Variants in USP5 observed in about 807,000 individuals in gnomAD.
USP5 encodes ubiquitin carboxyl-terminal hydrolase 5.
A neutral mutation model predicts 102.5 loss-of-function variants in USP5; 24 were observed. That is an observed-to-expected ratio of 0.23 (90% CI 0.17 to 0.33). The LOEUF (loss-of-function observed/expected upper bound fraction) is 0.33, where lower values mean the gene tolerates loss of function less well. Ranked by LOEUF, USP5 falls within the 10% of genes least tolerant of loss-of-function variation. The pLI, the probability that USP5 is intolerant of heterozygous loss-of-function variation, is 1.00. For synonymous variants in USP5, 460 were observed against 434.8 expected (o/e 1.06, Z -0.72); for missense variants, 753 against 1,122.1 (o/e 0.67, Z 4.70).
At position 6,856,364 on chromosome 12, in the gene USP5, G is replaced by T. The variant is rs1944112739; in HGVS notation, c.498G>T (p.Val166=). 1 of 1,614,014 alleles carries T rather than the reference G, an allele frequency of 6.2e-7. No individual in the cohort carries two copies. The highest frequency in any genetic ancestry group is 8.5e-7 in the Non-Finnish European group (1 of 1,179,996). Residue 166 remains valine, a synonymous_variant, in exon 5 of 20, where the codon GTG becomes GTT. Transcript: ENST00000229268. The surrounding 1 kb of genome is among the most constrained non-coding windows in gnomAD (Gnocchi z 5.6). The part of the protein sequence containing the change: ...SADSASRKQE[V]QAWDGEVRQV... Reference sequence around the variant, plus strand: ...ACTCAGCCTCCCGCAAGCAGGAGGTGCAGGCATGGGATGGGGAAGTACGGC... The same window carrying T: ...ACTCAGCCTCCCGCAAGCAGGAGGTTCAGGCATGGGATGGGGAAGTACGGC...
chr12:6,863,051 C>T lies in USP5; in HGVS notation c.1763-135C>T. On this transcript the variant is annotated intron_variant, in intron 14 of 19. Transcript: ENST00000229268. The surrounding 1 kb of genome is among the most constrained non-coding windows in gnomAD (Gnocchi z 4.7). The stretch of plus-strand genomic sequence containing the variant: ...AGTATTATTTGTCTTATACTGGGAC[C>T]CCTAAGATGGGTGCCGTGCTTTTAG... 1 of 809,546 alleles carries T rather than the reference C, an allele frequency of 1.2e-6. No individual in the cohort carries two copies. Among genetic ancestry groups the T allele is most frequent in the Non-Finnish European group, 1.9e-6 (1 of 533,036 alleles). 50.1% of individuals were successfully genotyped at this position (809,546 alleles called of 1,614,324 possible).
chr12:6,860,001 T>A lies in USP5; in HGVS notation c.1131-150T>A, dbSNP rs1944230929. On this transcript the variant is annotated intron_variant, in intron 9 of 19. Coordinates refer to ENST00000229268, the MANE Select transcript of USP5 (RefSeq NM_001098536.2). This position sits in a 1 kb window ranked among gnomAD's most constrained non-coding sequence, Gnocchi z 5.5. ...TTCGGGTGACTGTCTTCTGGACGTG[T>A]TGTCTGTCTTGAGCTGGGTTCCTGT... 2.1e-5 allele frequency: 17 copies of A among 829,122 alleles called. No individual in the cohort carries two copies. In the East Asian group the frequency reaches 4.3e-4, roughly 21 times the overall value. 51.4% of individuals were successfully genotyped at this position (829,122 alleles called of 1,614,324 possible).
chr12:6,854,158 C>T (rs1055705100), intron 1 of USP5, among the ~76,000 whole-genome samples: 8 of 152,212 alleles, frequency 5.3e-5, no homozygotes, highest in Admixed American at 3.9e-4. Context: ...CCTGTTTTCA[C>T]GGGTTATGTG....
Position 6,860,222 on chromosome 12 carries a change from G to A in USP5, c.1202G>A (p.Arg401Gln). Residue 401 changes from arginine to glutamine, a missense_variant, in exon 10 of 20, where the codon CGG becomes CAG. Coordinates refer to ENST00000229268, the MANE Select transcript of USP5 (RefSeq NM_001098536.2). The surrounding 1 kb of genome is among the most constrained non-coding windows in gnomAD (Gnocchi z 5.5). ...GTACCGGAGTCGGGCGATGGGGAGCGGGTGCCAGAACAGAAGGTGCGTCTA... is the reference window on the plus strand; with the variant it reads ...GTACCGGAGTCGGGCGATGGGGAGCAGGTGCCAGAACAGAAGGTGCGTCTA... ...KPVPESGDGE[R>Q]VPEQKEVQDG... The A allele has an allele frequency of 1.4e-5, 22 of 1,608,390 alleles. No individual in the cohort carries two copies. The highest frequency in any genetic ancestry group is 2.2e-5 in the East Asian group (1 of 44,866).
In USP5 at chr12:6,861,007, G is replaced by T. The variant is rs1555129421; in HGVS notation, c.1399G>T (p.Glu467Ter). ...TGAAGTGTTCCGCTTCTTGGTGGAG[G>T]AAAAGATCAAGTGCCTGGCCACAGA... is the stretch of plus-strand genomic sequence containing the variant. ...PNEVFRFLVE[E>*]KIKCLATEKV... The change falls in exon 12 of 20, where the codon GAA becomes TAA. Residue 467 changes from glutamate (E) to a stop codon, truncating the protein, a stop_gained. Coordinates refer to ENST00000229268, the MANE Select transcript of USP5 (RefSeq NM_001098536.2). LOFTEE classifies it high-confidence loss of function. This position sits in a 1 kb window ranked among gnomAD's most constrained non-coding sequence, Gnocchi z 4.9. 1 of 1,614,230 alleles carries T rather than the reference G, an allele frequency of 6.2e-7. No homozygotes were observed. Among genetic ancestry groups the T allele is most frequent in the Non-Finnish European group, 8.5e-7 (1 of 1,180,034 alleles).
At position 6,855,586 on chromosome 12, in the gene USP5, T is replaced by G; in HGVS notation, c.237+60T>G. On this transcript the variant is annotated intron_variant, in intron 2 of 19. Coordinates refer to ENST00000229268, the MANE Select transcript of USP5 (RefSeq NM_001098536.2). The surrounding 1 kb of genome is among the most constrained non-coding windows in gnomAD (Gnocchi z 4.6). Reference sequence around the variant, plus strand: ...TGTCTGTTCCATTCTGACCTCCTATTGGACTCAGTTTCTTTTTTTCACCTA... The same window carrying G: ...TGTCTGTTCCATTCTGACCTCCTATGGGACTCAGTTTCTTTTTTTCACCTA... The G allele has an allele frequency of 1.3e-6, 2 of 1,596,444 alleles. No individual in the cohort carries two copies. The highest frequency in any genetic ancestry group is 1.8e-5 in the Admixed American group (1 of 56,686).
At position 6,860,312 on chromosome 12, in the gene USP5, G is replaced by A; in HGVS notation, c.1219-54G>A. ...TGAGGTCTGGGAGATGTCTAAAGAA[G>A]GCCCCTGGATGGCCACTGAGCCCCA... On this transcript the variant is annotated intron_variant, in intron 10 of 19. Coordinates refer to ENST00000229268, the MANE Select transcript of USP5 (RefSeq NM_001098536.2). This position sits in a 1 kb window ranked among gnomAD's most constrained non-coding sequence, Gnocchi z 5.5. 6.2e-7 allele frequency: 1 copy of A among 1,613,248 alleles called. No homozygotes were observed. The highest frequency in any genetic ancestry group is 8.5e-7 in the Non-Finnish European group (1 of 1,179,376).
In USP5 at chr12:6,863,419, TG is replaced by T. The variant is rs1944333852; in HGVS notation, c.1954+47del. ...CCTGCCTGTCTCTCTCCCGTGCTGATGGGGGCCTCTCTGCCTTGCATCCCCT... is the reference window on the plus strand; with the variant it reads ...CCTGCCTGTCTCTCTCCCGTGCTGATGGGGCCTCTCTGCCTTGCATCCCCT... On this transcript the variant is annotated intron_variant, in intron 15 of 19. Coordinates refer to ENST00000229268, the MANE Select transcript of USP5 (RefSeq NM_001098536.2). This position sits in a 1 kb window ranked among gnomAD's most constrained non-coding sequence, Gnocchi z 4.7. 2.5e-6 allele frequency: 4 copies of T among 1,586,728 alleles called. No individual in the cohort carries two copies. In the East Asian group the frequency reaches 6.7e-5, roughly 27 times the overall value.
In USP5 at chr12:6,859,552, A is replaced by C. The variant is rs781839069; in HGVS notation, c.1130+11A>C. 1 of 1,614,014 alleles carries C rather than the reference A, an allele frequency of 6.2e-7. No individual in the cohort carries two copies. On this transcript the variant is annotated intron_variant, in intron 9 of 19. Coordinates refer to ENST00000229268, the MANE Select transcript of USP5 (RefSeq NM_001098536.2). ...TTTCAGCACCCAGGTGTATGTAACC[A>C]GGTCCTATGTAGGAAAGCTGTTGAC...
chr12:6,863,077 C>A lies in USP5; in HGVS notation c.1763-109C>A. 8.9e-7 allele frequency: 1 copy of A among 1,124,190 alleles called. No individual in the cohort carries two copies. The highest frequency in any genetic ancestry group is 1.2e-6 in the Non-Finnish European group (1 of 813,288). The allele number at this position is 1,124,190 out of a possible 1,614,324, so 69.6% of individuals were successfully genotyped here. On this transcript the variant is annotated intron_variant, in intron 14 of 19. Transcript: ENST00000229268. The surrounding 1 kb of genome is among the most constrained non-coding windows in gnomAD (Gnocchi z 4.7). ...CCTAAGATGGGTGCCGTGCTTTTAG[C>A]AGCTCCTCTTTACAGAGCAGTTCTG...
At chr12:6,865,662 C>T (rs1220856246) in intron 19 of USP5, among the ~76,000 whole-genome samples, 5 of 152,180 alleles carry the variant, frequency 3.3e-5, no homozygotes, top group South Asian at 2.1e-4. Flanking sequence ...AAAGTTGAGT[C>T]GTTGTGTCAG....
At position 6,852,241 on chromosome 12, in the gene USP5, C is replaced by T. The variant is rs192268986; in HGVS notation, c.62C>T (p.Ala21Val). The T allele has an allele frequency of 7.4e-5, 119 of 1,613,282 alleles. No homozygotes were observed. Among genetic ancestry groups the T allele is most frequent in the Admixed American group, 2.2e-4 (13 of 59,916 alleles). ...SVLPTIRVPK[A>V]GDRVHKDECA... is the part of the protein sequence containing the mutation. ...TTACCGACGATCCGGGTCCCTAAGG[C>T]TGGAGACCGGGTCCACAAAGACGAG... The change falls in exon 1 of 20, where the codon GCT (alanine) becomes GTT (valine). Residue 21 changes from alanine to valine, a missense_variant. By Grantham distance (64) the Ala-to-Val change is moderately conservative (BLOSUM62 0). Coordinates refer to ENST00000229268, the MANE Select transcript of USP5 (RefSeq NM_001098536.2).
Position 6,855,355 on chromosome 12 carries a change from G to C in USP5, c.112-46G>C, listed in dbSNP as rs782498469. The C allele has an allele frequency of 3.8e-5, 61 of 1,607,310 alleles. 1 individual carries two copies. The highest frequency in any genetic ancestry group is 4.8e-5 in the Non-Finnish European group (56 of 1,176,790). ...GGTTTTGGTTTCCTCACCTGACCAG[G>C]CTTCATAACATCCTCGTGTTTTCAC... On this transcript the variant is annotated intron_variant, in intron 1 of 19. Transcript: ENST00000229268. This position sits in a 1 kb window ranked among gnomAD's most constrained non-coding sequence, Gnocchi z 4.6.
At chr12:6,859,726 C>T (rs781925982) in intron 9 of USP5, among the ~76,000 whole-genome samples, 185 bp downstream of exon 9, 1 of 152,278 alleles carries the variant, frequency 6.6e-6, no homozygotes, top group South Asian at 2.1e-4. Context: ...GATCTCGGCT[C>T]ACTACAACCT....
chr12:6,863,300 A>C lies in USP5; in HGVS notation c.1877A>C (p.Glu626Ala). ...DIAPPLVTPD[E>A]PKGSLGFYGN... ...GCCCCACCCCTGGTCACTCCGGATG[A>C]GCCCAAAGGTAGCCTTGGTTTCTAT... is the stretch of plus-strand genomic sequence containing the variant. Residue 626 changes from glutamate (E) to alanine (A), a missense_variant, in exon 15 of 20, where the codon GAG becomes GCG. By Grantham distance (107) the Glu-to-Ala change is moderately radical. Around this residue, in one of 3 missense-constraint regions of USP5, gnomAD observed 527 missense variants for 816.5 expected, o/e 0.65. Transcript: ENST00000229268. The surrounding 1 kb of genome is among the most constrained non-coding windows in gnomAD (Gnocchi z 4.7). 6.2e-7 allele frequency: 1 copy of C among 1,614,208 alleles called. No homozygotes were observed.
At position 6,856,019 on chromosome 12, in the gene USP5, G is replaced by T; in HGVS notation, c.307G>T (p.Val103Phe). The T allele has an allele frequency of 6.2e-7, 1 of 1,614,188 alleles. No individual in the cohort carries two copies. Among genetic ancestry groups the T allele is most frequent in the Non-Finnish European group, 8.5e-7 (1 of 1,180,034 alleles). ...RKKPTRLAIG[V>F]EGGFDLSEEK... ...CCTCTTCTTCCCTATCCTTCCAGGT[G>T]TTGAAGGCGGATTTGACCTTAGCGA... The change falls in exon 4 of 20, where the codon GTT (valine) becomes TTT (phenylalanine). Residue 103 changes from valine to phenylalanine, a missense_variant and splice_region_variant. Around this residue, in one of 3 missense-constraint regions of USP5, gnomAD observed 527 missense variants for 816.5 expected, o/e 0.65. Coordinates refer to ENST00000229268, the MANE Select transcript of USP5 (RefSeq NM_001098536.2). This position sits in a 1 kb window ranked among gnomAD's most constrained non-coding sequence, Gnocchi z 5.6.
chr12:6,859,614 T>C (rs1365755270), intron 9 of USP5, 73 bp downstream of exon 9: 1 of 1,425,584 alleles, frequency 7.0e-7, no homozygotes, highest in South Asian at 1.1e-5. Flanking sequence ...CCTGACCGCC[T>C]GGGGGGCACA....
At chr12:6,862,626 A>G in intron 14 of USP5, 68 bp downstream of exon 14, 2 of 1,409,604 alleles carry the variant, frequency 1.4e-6, no homozygotes, top group Non-Finnish European at 2.0e-6. Context: ...TAACACATAT[A>G]AACTAGTGTT....
Position 6,864,969 on chromosome 12 carries a change from G to T in USP5, c.2398+94G>T. On this transcript the variant is annotated intron_variant, in intron 18 of 19. Transcript: ENST00000229268. The surrounding 1 kb of genome is among the most constrained non-coding windows in gnomAD (Gnocchi z 4.8). ...TCAGGCAGCTCTGCCCTCCTCAGGA[G>T]TCAGGGGCTTCTTTCCACCTCAACG... 2.0e-6 allele frequency: 3 copies of T among 1,508,750 alleles called. No individual in the cohort carries two copies. The highest frequency in any genetic ancestry group is 4.0e-5 in the Admixed American group (2 of 50,040). The allele number at this position is 1,508,750 out of a possible 1,614,324, so 93.5% of individuals were successfully genotyped here.
Sources: allele counts gnomAD v4.1 joint callset (sites outside exome capture counted in the v4.1 genomes callset), GRCh38; gene constraint gnomAD v4.1.1; regional missense constraint gnomAD v4.1.1; non-coding constraint Gnocchi (gnomAD v3.1); transcripts MANE v1.5; gene names NCBI Gene and HGNC (gene_info 2026-07-23, HGNC 2026-07-21).